The following UFL1 variants were observed in gnomAD, a reference collection of about 807,000 sequenced individuals.
The protein encoded by UFL1 is E3 UFM1-protein ligase 1.
In UFL1, 78 loss-of-function variants were observed where a neutral mutation model predicts 99.3. The ratio of observed to expected loss-of-function variants is 0.79; its 90% confidence interval spans 0.65 to 0.95. The LOEUF is 0.95. UFL1 is among the 40% of genes least tolerant of loss of function. The pLI is 0.00. For synonymous variants in UFL1, 335 were observed against 322.2 expected (o/e 1.04, Z -0.42); for missense variants, 936 against 937.0 (o/e 1.00, Z 0.01).
At position 96,553,481 on chromosome 6, in the gene UFL1, AATC is replaced by A. The variant is rs1445348757; in HGVS notation, c.2367_2369del (p.Ser790del). On this transcript the variant is annotated inframe_deletion, in exon 19 of 19. Coordinates refer to ENST00000369278, the MANE Select transcript of UFL1 (RefSeq NM_015323.5). ...AAAGACCTTGTTCTCAAATCTAGGA[AATC>A]ATCTGTGACGGAAGAGTAATGATCT... is the stretch of plus-strand genomic sequence containing the variant. 3.1e-6 allele frequency: 5 copies of A among 1,613,328 alleles called. No individual in the cohort carries two copies. Among genetic ancestry groups the A allele is most frequent in the African/African-American group, 1.3e-5 (1 of 74,884 alleles).
chr6:96,548,370 G>C (rs939501668), intron 13 of UFL1, 89 bp downstream of exon 13: 2 of 783,180 alleles, frequency 2.6e-6, no homozygotes, highest in African/African-American at 3.7e-5. Flanking sequence ...GAAAGCAAAT[G>C]TATTAGATAT....
rs773926881 is a variant in UFL1 at position 96,524,415 on chromosome 6, GT to G, written c.252+9del. On this transcript the variant is annotated splice_donor_region_variant and intron_variant, in intron 3 of 18. Transcript: ENST00000369278. ...AACATTGTTGATCTACAACAGGTAGGTTTTAAATTTATAAAATTTTTGCTTT... is the reference window on the plus strand; with the variant it reads ...AACATTGTTGATCTACAACAGGTAGGTTTAAATTTATAAAATTTTTGCTTT... 3 of 1,571,292 alleles carry G rather than the reference GT, an allele frequency of 1.9e-6. No individual in the cohort carries two copies. Among genetic ancestry groups the G allele is most frequent in the Non-Finnish European group, 2.6e-6 (3 of 1,165,322 alleles).
At chr6:96,552,042 T>C in intron 17 of UFL1, 119 bp downstream of exon 17, 1 of 649,122 alleles carries the variant, frequency 1.5e-6, no homozygotes, top group South Asian at 2.2e-5. Context: ...GTGTCTAATA[T>C]ATCTAAATGG....
chr6:96,537,983 CA>C (rs1161144727), intron 9 of UFL1, among the ~76,000 whole-genome samples: 2 of 151,726 alleles, frequency 1.3e-5, no homozygotes, highest in Non-Finnish European at 2.9e-5. Context: ...TTCAGTATGC[CA>C]AAAAGATAAG....
chr6:96,539,742 TCTTA>T (rs747453597), intron 10 of UFL1, among the ~76,000 whole-genome samples: 37 of 151,594 alleles, frequency 2.4e-4, no homozygotes, highest in Non-Finnish European at 4.9e-4. Flanking sequence ...AGTAAATGAC[TCTTA>T]CTTTTATTTG....
chr6:96,544,442 A>G (rs1769973674), intron 12 of UFL1, among the ~76,000 whole-genome samples: 1 of 151,034 alleles, frequency 6.6e-6, no homozygotes, highest in Non-Finnish European at 1.5e-5. Context: ...ATTGAGATTT[A>G]TATTTTTCCT....
chr6:96,527,146 GT>G (rs1338656545), intron 5 of UFL1, among the ~76,000 whole-genome samples: 2 of 149,066 alleles, frequency 1.3e-5, no homozygotes, highest in South Asian at 4.1e-4. Context: ...TTTTTTGTTT[GT>G]TTTTTTAGAA....
chr6:96,543,621 T>C (rs747396761), intron 12 of UFL1, among the ~76,000 whole-genome samples: 22 of 151,076 alleles, frequency 1.5e-4, no homozygotes, highest in Non-Finnish European at 2.8e-4. Flanking sequence ...AAAGTGGTTA[T>C]GACAAAAAGG....
At chr6:96,535,200 T>A (rs1049060258) in intron 7 of UFL1, among the ~76,000 whole-genome samples, 1 of 152,014 alleles carries the variant, frequency 6.6e-6, no homozygotes, top group Non-Finnish European at 1.5e-5. Flanking sequence ...TATTCTAATT[T>A]ACTCAGCATT....
At chr6:96,538,563 A>AT (rs1769886646) in intron 9 of UFL1, 68 bp from the exon 10 acceptor site, 3 of 1,444,808 alleles carry the variant, frequency 2.1e-6, no homozygotes, top group Non-Finnish European at 2.9e-6. Context: ...GCATATATGT[A>AT]TATAGCAAAT....
chr6:96,538,900 G>T, intron 10 of UFL1, 90 bp downstream of exon 10: 1 of 1,127,628 alleles, frequency 8.9e-7, no homozygotes, highest in East Asian at 2.5e-5. Context: ...ATAAGTGAAA[G>T]TGAACACTTT....
At chr6:96,534,342 A>G (rs753869154) in intron 7 of UFL1, 21 bp downstream of exon 7, 1 of 1,505,300 alleles carries the variant, frequency 6.6e-7, no homozygotes, top group Non-Finnish European at 9.0e-7. Flanking sequence ...TTTAAATTAT[A>G]TTTACTTAAT....
intron 5 of UFL1, among the ~76,000 whole-genome samples, chr6:96,528,093 T>C (rs775192733): frequency 6.6e-6 from 1 of 152,342 alleles, no homozygotes; most frequent in Non-Finnish European, 1.5e-5. Flanking sequence ...ATACTTTTAG[T>C]ATTAGAAGCT....
rs770507355 is a variant in UFL1 at position 96,549,815 on chromosome 6, C to G, written c.1818+16C>G. ...TACAAGTGAAGTATGTTAATGATCT[C>G]CCTACCACTATTGATGTGTTCTGTT... On this transcript the variant is annotated intron_variant, in intron 15 of 18. Coordinates refer to ENST00000369278, the MANE Select transcript of UFL1 (RefSeq NM_015323.5). The G allele has an allele frequency of 6.2e-7, 1 of 1,609,670 alleles. No homozygotes were observed. Among genetic ancestry groups the G allele is most frequent in the African/African-American group, 1.3e-5 (1 of 74,614 alleles).
At chr6:96,536,151 A>T in intron 7 of UFL1, 93 bp from the exon 8 acceptor site, 1 of 1,279,990 alleles carries the variant, frequency 7.8e-7, no homozygotes, top group Non-Finnish European at 1.1e-6. Context: ...TTTAAAGGTT[A>T]AGAATAAGTA....
At chr6:96,530,366 T>C (rs1009281782) in intron 6 of UFL1, among the ~76,000 whole-genome samples, 6 of 152,202 alleles carry the variant, frequency 3.9e-5, no homozygotes, top group African/African-American at 1.4e-4. Context: ...GAAATAACAC[T>C]ATATTCTTGT....
intron 15 of UFL1, among the ~76,000 whole-genome samples, chr6:96,550,154 T>C (rs929923626): frequency 2.0e-5 from 3 of 151,874 alleles, no homozygotes; most frequent in Non-Finnish European, 4.4e-5. Context: ...TTTCAATATT[T>C]AGACTAATTC....
intron 12 of UFL1, among the ~76,000 whole-genome samples, chr6:96,545,369 C>T (rs746215442): frequency 3.6e-4 from 55 of 151,118 alleles, no homozygotes; most frequent in Non-Finnish European, 1.8e-4. Flanking sequence ...GACATTTGCA[C>T]AGTTAGCTAT....
At chr6:96,523,428 C>T in intron 2 of UFL1, 137 bp downstream of exon 2, 1 of 979,042 alleles carries the variant, frequency 1.0e-6, no homozygotes, top group Non-Finnish European at 1.4e-6. Flanking sequence ...ATTTGATAAT[C>T]AGGCTTAATA....
Sources: allele counts gnomAD v4.1 joint callset (sites outside exome capture counted in the v4.1 genomes callset), GRCh38; gene constraint gnomAD v4.1.1; transcripts MANE v1.5; gene names NCBI Gene and HGNC (gene_info 2026-07-23, HGNC 2026-07-21).